PAPPA2: variants seen among roughly 807,000 people sequenced by gnomAD.
PAPPA2 encodes the protein pappalysin 2.
Under a neutral mutation model 176.4 loss-of-function variants are expected in PAPPA2, and 86 were observed. That is an observed-to-expected ratio of 0.49 (90% CI 0.41 to 0.58). The LOEUF is 0.58. PAPPA2 is among the 20% of genes least tolerant of loss of function. PAPPA2 has a pLI of 0.00. For synonymous variants in PAPPA2, 809 were observed against 852.2 expected (o/e 0.95, Z 0.88); for missense variants, 2,073 against 2,256.9 (o/e 0.92, Z 1.65).
intron 12 of PAPPA2, among the ~76,000 whole-genome samples, chr1:176,729,147 A>G (rs750715428): frequency 7.9e-5 from 12 of 151,942 alleles, no homozygotes; most frequent in East Asian, 1.9e-4. Context: ...AGCCTTTAAT[A>G]TATTCAACAT....
At chr1:176,534,486 G>T (rs868395745) in intron 1 of PAPPA2, among the ~76,000 whole-genome samples, 1 of 152,208 alleles carries the variant, frequency 6.6e-6, no homozygotes, top group Non-Finnish European at 1.5e-5. Context: ...AGAATGTATT[G>T]TAAGGATCGG....
chr1:176,581,170 T>C (rs889609614), intron 2 of PAPPA2, among the ~76,000 whole-genome samples: 5 of 152,208 alleles, frequency 3.3e-5, no homozygotes, highest in African/African-American at 1.2e-4. Context: ...AATTTCCTTG[T>C]TCAGCATATG....
intron 4 of PAPPA2, among the ~76,000 whole-genome samples, chr1:176,689,275 C>T (rs1040938132): frequency 6.6e-6 from 1 of 152,172 alleles, no homozygotes; most frequent in Admixed American, 6.5e-5. Flanking sequence ...ACTTAGAGAT[C>T]CTTAGCCTTC....
Position 176,769,766 on chromosome 1 carries a change from C to T in PAPPA2, c.4483C>T (p.Pro1495Ser). The change falls in exon 16 of 23, where the codon CCA becomes TCA. Residue 1495 changes from proline (P) to serine (S), a missense_variant. This residue lies in a region of PAPPA2 where 846 missense variants were observed against 857.9 expected (regional missense o/e 0.99). Coordinates refer to ENST00000367662, the MANE Select transcript of PAPPA2 (RefSeq NM_020318.3). ...FLKRCSISCV[P>S]PAKLQGLSPW... The stretch of plus-strand genomic sequence containing the variant: ...GAAACGCTGCTCAATCTCTTGTGTC[C>T]CACCAGCCAAGCTGCAAGGTATTGT... The T allele has an allele frequency of 6.2e-7, 1 of 1,607,604 alleles. No homozygotes were observed. The highest frequency in any genetic ancestry group is 8.5e-7 in the Non-Finnish European group (1 of 1,178,142).
At chr1:176,807,388 G>T (rs1665949245) in intron 21 of PAPPA2, among the ~76,000 whole-genome samples, 1 of 152,010 alleles carries the variant, frequency 6.6e-6, no homozygotes, top group Non-Finnish European at 1.5e-5. Flanking sequence ...TTTCTTGAAA[G>T]AATGAGGAGC....
intron 12 of PAPPA2, among the ~76,000 whole-genome samples, chr1:176,734,707 A>G (rs551033379): frequency 3.2e-4 from 48 of 152,226 alleles, no homozygotes; most frequent in South Asian, 2.1e-4. Flanking sequence ...TCAGAAGTCC[A>G]CACAGATAGC....
At chr1:176,838,506 G>A (rs371348875) in intron 21 of PAPPA2, among the ~76,000 whole-genome samples, 1 of 152,202 alleles carries the variant, frequency 6.6e-6, no homozygotes. Context: ...ACACTTGAAA[G>A]AGAAAAATGA....
At chr1:176,826,835 C>T (rs1297049714) in intron 21 of PAPPA2, among the ~76,000 whole-genome samples, 1 of 152,168 alleles carries the variant, frequency 6.6e-6, no homozygotes, top group Non-Finnish European at 1.5e-5. Context: ...CCTGTGTTTA[C>T]ATATACAGGA....
intron 5 of PAPPA2, chr1:176,690,685 T>A: frequency 7.8e-7 from 1 of 1,274,760 alleles, no homozygotes. Flanking sequence ...CTATCCTCGA[T>A]AGTAAAAAAG....
chr1:176,602,966 G>C (rs1204848244), intron 3 of PAPPA2, among the ~76,000 whole-genome samples: 1 of 152,184 alleles, frequency 6.6e-6, no homozygotes, highest in Non-Finnish European at 1.5e-5. Flanking sequence ...CAGTTTCTCT[G>C]TTCACCTGGC....
rs898298656 is a variant in PAPPA2, at chr1:176,809,007, A to G, written c.5202+8875A>G. 7.9e-5 allele frequency among the ~76,000 whole-genome samples: 12 copies of G among 152,298 alleles called. No individual in the cohort carries two copies. In the East Asian group the frequency reaches 2.3e-3, roughly 29 times the overall value. Reference sequence around the variant, plus strand: ...ATTTAAAGTAAATCTATGTGAGAATATCCTAAAAGTGTTAAACTTTATACA... The same window carrying G: ...ATTTAAAGTAAATCTATGTGAGAATGTCCTAAAAGTGTTAAACTTTATACA... On this transcript the variant is annotated intron_variant, in intron 21 of 22. Transcript: ENST00000367662.
chr1:176,752,361 A>AC, intron 14 of PAPPA2, among the ~76,000 whole-genome samples: 1 of 151,790 alleles, frequency 6.6e-6, no homozygotes, highest in South Asian at 2.1e-4. Context: ...AAAAAAAAAA[A>AC]AAAACATTTA....
At chr1:176,814,275 TG>T (rs924059049) in intron 21 of PAPPA2, among the ~76,000 whole-genome samples, 3 of 152,342 alleles carry the variant, frequency 2.0e-5, no homozygotes, top group Admixed American at 2.0e-4. Context: ...GGCTCTTTTT[TG>T]CTTCCATATG....
At chr1:176,525,029 G>A (rs1190115466) in intron 1 of PAPPA2, among the ~76,000 whole-genome samples, 1 of 152,014 alleles carries the variant, frequency 6.6e-6, no homozygotes, top group Non-Finnish European at 1.5e-5. Flanking sequence ...CCTACAGAAG[G>A]AGACTCCGTC....
intron 1 of PAPPA2, among the ~76,000 whole-genome samples, chr1:176,523,624 T>C (rs190536567): frequency 6.6e-6 from 1 of 152,382 alleles, no homozygotes; most frequent in Non-Finnish European, 1.5e-5. Context: ...ATTTGGAAAT[T>C]CATTTATTCA....
At chr1:176,520,569 G>A (rs1047372062) in intron 1 of PAPPA2, among the ~76,000 whole-genome samples, 1 of 152,198 alleles carries the variant, frequency 6.6e-6, no homozygotes, top group South Asian at 2.1e-4. Flanking sequence ...ACTTATAAAA[G>A]ATGGAATGTG....
intron 3 of PAPPA2, among the ~76,000 whole-genome samples, chr1:176,605,462 C>A (rs1275349837): frequency 6.6e-6 from 1 of 152,204 alleles, no homozygotes; most frequent in Non-Finnish European, 1.5e-5. Flanking sequence ...TTCTCTAAAT[C>A]TTAGTTCATT....
chr1:176,506,043 C>A (rs1231995761), intron 1 of PAPPA2, among the ~76,000 whole-genome samples: 1 of 152,050 alleles, frequency 6.6e-6, no homozygotes, highest in African/African-American at 2.4e-5. Context: ...GATAAGCACC[C>A]AATTTCATTC....
At chr1:176,540,835 C>T (rs887673978) in intron 1 of PAPPA2, among the ~76,000 whole-genome samples, 1 of 152,150 alleles carries the variant, frequency 6.6e-6, no homozygotes, top group South Asian at 2.1e-4. Context: ...GAAATCATCT[C>T]CCACCAGAGA....
Sources: gnomAD v4.1 joint callset for allele counts (sites outside exome capture counted in the v4.1 genomes callset) on GRCh38, gnomAD v4.1.1 for gene constraint, gnomAD v4.1.1 regional missense constraint, MANE v1.5 for transcripts, NCBI Gene and HGNC (gene_info 2026-07-23, HGNC 2026-07-21) for gene names.